CLEC16A: variants seen among roughly 807,000 people sequenced by gnomAD.
The protein encoded by CLEC16A is protein CLEC16A.
CLEC16A carries 51 observed loss-of-function variants against 109.5 expected under a neutral mutation model. The ratio of observed to expected loss-of-function variants is 0.47; its 90% CI spans 0.37 to 0.59. The LOEUF (loss-of-function observed/expected upper bound fraction) is 0.59. CLEC16A is among the 20% of genes least tolerant of loss of function. The pLI, the probability that CLEC16A is intolerant of heterozygous loss-of-function variation, is 0.00. For synonymous variants in CLEC16A, 673 were observed against 564.2 expected (o/e 1.19, Z -2.73); for missense variants, 1,339 against 1,394.0 (o/e 0.96, Z 0.63).
At chr16:11,126,611 C>G (rs1433799080) in intron 22 of CLEC16A, 1 of 294,708 alleles carries the variant, frequency 3.4e-6, no homozygotes, top group Non-Finnish European at 6.3e-6. Context: ...GGCGTCTCCT[C>G]CCACTTTTGC....
At chr16:11,044,383 TATAA>T (rs1409752855) in intron 16 of CLEC16A, among the ~76,000 whole-genome samples, 5 of 152,216 alleles carry the variant, frequency 3.3e-5, no homozygotes, top group South Asian at 2.1e-4. Flanking sequence ...TATAAACACA[TATAA>T]ATAAATTATA....
chr16:10,947,681 G>T (rs769781714), intron 1 of CLEC16A, among the ~76,000 whole-genome samples: 14 of 152,096 alleles, frequency 9.2e-5, no homozygotes, highest in Non-Finnish European at 1.9e-4. Flanking sequence ...GGGCTGAGGG[G>T]TTTCCCAGGA....
chr16:11,083,300 C>G lies in CLEC16A; in HGVS notation c.2116+22278C>G, dbSNP rs117904560. Among the ~76,000 whole-genome samples the G allele has an allele frequency of 5.4e-4, 82 of 152,212 alleles. No individual in the cohort carries two copies. The East Asian group carries it at 0.016, about 29-fold the overall frequency. ...ACCTCAGCTTGCCAAGTAGCTGGGC[C>G]TATAGGTGGACACCACCACGCCTGG... On this transcript the variant is annotated intron_variant, in intron 19 of 23. Coordinates refer to ENST00000409790, the MANE Select transcript of CLEC16A (RefSeq NM_015226.3).
chr16:11,070,499 A>C (rs1192438519), intron 19 of CLEC16A: 2 of 151,420 alleles, frequency 1.3e-5, no homozygotes, highest in Non-Finnish European at 2.9e-5. Flanking sequence ...GAGCCATTGC[A>C]CCCAGCTGTG....
At chr16:11,017,020 C>T (rs1037950611) in intron 11 of CLEC16A, among the ~76,000 whole-genome samples, 1 of 151,126 alleles carries the variant, frequency 6.6e-6, no homozygotes, top group African/African-American at 2.4e-5. Flanking sequence ...GGTGCTCCTC[C>T]ATGCCAAGGG....
At chr16:11,093,001 G>A (rs1016982494) in intron 19 of CLEC16A, among the ~76,000 whole-genome samples, 4 of 152,198 alleles carry the variant, frequency 2.6e-5, no homozygotes, top group Admixed American at 2.6e-4. Context: ...CCATGGAGCA[G>A]GGAGGAGCTG....
intron 15 of CLEC16A, among the ~76,000 whole-genome samples, chr16:11,042,924 T>C (rs528001638): frequency 1.5e-4 from 22 of 150,048 alleles, no homozygotes; most frequent in African/African-American, 4.9e-4. Context: ...TAAAGAAGTA[T>C]ATTTACATAT....
At chr16:11,056,282 C>T (rs1034384642) in intron 18 of CLEC16A, among the ~76,000 whole-genome samples, 3 of 152,186 alleles carry the variant, frequency 2.0e-5, no homozygotes, top group Non-Finnish European at 4.4e-5. Context: ...TCAGGTCCCT[C>T]GTGGGTCTTG....
At chr16:11,154,018 C>G (rs572610590) in intron 22 of CLEC16A, among the ~76,000 whole-genome samples, 106 of 152,290 alleles carry the variant, frequency 7.0e-4, no homozygotes, top group African/African-American at 2.4e-3. Flanking sequence ...GTTGAAGCTA[C>G]CGATTTTGGA....
intron 19 of CLEC16A, among the ~76,000 whole-genome samples, chr16:11,074,219 GA>G (rs1313063484): frequency 6.6e-6 from 1 of 151,868 alleles, no homozygotes; most frequent in Non-Finnish European, 1.5e-5. Flanking sequence ...GACAGATTGG[GA>G]AAAAAATCAA....
At position 11,178,325 on chromosome 16, in the gene CLEC16A, C is replaced by T; in HGVS notation, c.2807-10C>T. ...CTCAGTGTGTTTCCGGTTTTTCTCC[C>T]CCAATCCAGATGCCCCCATGAGTCC... On this transcript the variant is annotated splice_polypyrimidine_tract_variant and intron_variant, in intron 23 of 23. Coordinates refer to ENST00000409790, the MANE Select transcript of CLEC16A (RefSeq NM_015226.3). The surrounding 1 kb of genome is among the most constrained non-coding windows in gnomAD (Gnocchi z 6.5). 6.3e-7 allele frequency: 1 copy of T among 1,597,036 alleles called. No individual in the cohort carries two copies. The highest frequency in any genetic ancestry group is 8.6e-7 in the Non-Finnish European group (1 of 1,167,878).
chr16:11,172,660 G>A (rs1167417580), intron 23 of CLEC16A, among the ~76,000 whole-genome samples: 7 of 152,082 alleles, frequency 4.6e-5, no homozygotes, highest in East Asian at 1.9e-4. Context: ...AGGCTGAGGC[G>A]GGTGGATCAT....
chr16:11,142,371 G>A (rs1048488229), intron 22 of CLEC16A, among the ~76,000 whole-genome samples: 6 of 152,230 alleles, frequency 3.9e-5, no homozygotes, highest in African/African-American at 9.7e-5. Context: ...TCCTGGGCAC[G>A]CCTGTCAGAG....
intron 1 of CLEC16A, among the ~76,000 whole-genome samples, chr16:10,955,624 A>G (rs2041950148): frequency 6.6e-6 from 1 of 152,234 alleles, no homozygotes; most frequent in Non-Finnish European, 1.5e-5. Flanking sequence ...GTGGTCCTAA[A>G]GAATTTAAAA....
chr16:11,077,085 C>G (rs921564850), intron 19 of CLEC16A, among the ~76,000 whole-genome samples: 21 of 152,182 alleles, frequency 1.4e-4, no homozygotes, highest in African/African-American at 5.1e-4. Context: ...TGGCTTAGGC[C>G]TGTAATCCCA....
intron 19 of CLEC16A, among the ~76,000 whole-genome samples, chr16:11,062,335 C>T (rs1015385391): frequency 3.9e-5 from 6 of 152,106 alleles, no homozygotes; most frequent in Non-Finnish European, 8.8e-5. Flanking sequence ...AAAAACTCCC[C>T]AAGGGTTAGT....
intron 23 of CLEC16A, among the ~76,000 whole-genome samples, chr16:11,168,808 G>A (rs2068381601): frequency 6.6e-6 from 1 of 152,266 alleles, no homozygotes; most frequent in Non-Finnish European, 1.5e-5. Flanking sequence ...GAAAGCCAAG[G>A]ACAGGAGAAG....
At chr16:11,018,565 C>T (rs1054928482) in intron 11 of CLEC16A, among the ~76,000 whole-genome samples, 9 of 151,924 alleles carry the variant, frequency 5.9e-5, no homozygotes, top group South Asian at 4.2e-4. Flanking sequence ...CTGGCCAACA[C>T]GGTGAAACCC....
At chr16:11,168,719 T>C (rs947627681) in intron 23 of CLEC16A, among the ~76,000 whole-genome samples, 2 of 152,250 alleles carry the variant, frequency 1.3e-5, no homozygotes, top group African/African-American at 4.8e-5. Flanking sequence ...GCATATGGGC[T>C]TCCCATGTTC....
Sources: allele counts gnomAD v4.1 joint callset (sites outside exome capture counted in the v4.1 genomes callset), GRCh38; gene constraint gnomAD v4.1.1; non-coding constraint Gnocchi (gnomAD v3.1); transcripts MANE v1.5; gene names NCBI Gene and HGNC (gene_info 2026-07-23, HGNC 2026-07-21).